Variants in MTSS1 observed in about 807,000 individuals in gnomAD.
MTSS1 encodes MTSS I-BAR domain containing 1, also known as protein MTSS 1.
MTSS1 carries 18 observed loss-of-function variants against 79.0 expected under a neutral mutation model. That is an observed-to-expected ratio of 0.23 (90% CI 0.16 to 0.34). The LOEUF (loss-of-function observed/expected upper bound fraction) is 0.34. Ranked by LOEUF, MTSS1 falls within the 10% of genes least tolerant of loss-of-function variation. MTSS1 has a pLI of 1.00. For synonymous variants in MTSS1, 341 were observed against 368.6 expected, an observed-to-expected ratio of 0.93 and a Z score of 0.86; for missense variants, 815 against 986.2, an observed-to-expected ratio of 0.83 and a Z score of 2.33.
intron 8 of MTSS1, among the ~76,000 whole-genome samples, 194 bp downstream of exon 8, chr8:124,566,877 G>C (rs1826607214): frequency 6.6e-6 from 1 of 152,210 alleles, no homozygotes; most frequent in Admixed American, 6.5e-5. Context: ...GCTATGTAAA[G>C]AGCTTGGGAC....
At chr8:124,565,349 T>C (rs17299341) in intron 9 of MTSS1, among the ~76,000 whole-genome samples, 11,888 of 152,268 alleles carry the variant, frequency 0.078, 628 homozygotes, top group Non-Finnish European at 0.11. Context: ...TTTTAGGCCT[T>C]AGAAGGTTTT....
intron 3 of MTSS1, among the ~76,000 whole-genome samples, chr8:124,599,093 GC>G (rs2132916473): frequency 6.6e-6 from 1 of 152,292 alleles, no homozygotes; most frequent in East Asian, 1.9e-4. Context: ...CATTGCCCTT[GC>G]CGCCTGCTGA....
chr8:124,672,317 A>C (rs1824374986), intron 3 of MTSS1, among the ~76,000 whole-genome samples: 2 of 152,148 alleles, frequency 1.3e-5, no homozygotes, highest in South Asian at 4.1e-4. Flanking sequence ...AACATTGTGA[A>C]ACCCCATCTC....
At chr8:124,567,010 A>G (rs1023971362) in intron 8 of MTSS1, 61 bp downstream of exon 8, 2 of 1,302,018 alleles carry the variant, frequency 1.5e-6, no homozygotes, top group Non-Finnish European at 1.1e-6. Context: ...AGGAACACTC[A>G]GGGCCTTGAG....
chr8:124,594,179 T>G (rs773458862), intron 3 of MTSS1, among the ~76,000 whole-genome samples: 1 of 152,214 alleles, frequency 6.6e-6, no homozygotes, highest in South Asian at 2.1e-4. Flanking sequence ...TCCCAGGTAT[T>G]TCCCATAGAT....
At chr8:124,688,340 ATG>A (rs1554719633) in intron 3 of MTSS1, among the ~76,000 whole-genome samples, 32 of 121,856 alleles carry the variant, frequency 2.6e-4, no homozygotes, top group Non-Finnish European at 3.1e-4. Flanking sequence ...GTCTGTGTGT[ATG>A]TGTGTTGTGT....
At chr8:124,601,733 C>T (rs1365027933) in intron 3 of MTSS1, among the ~76,000 whole-genome samples, 6 of 152,216 alleles carry the variant, frequency 3.9e-5, no homozygotes, top group African/African-American at 1.4e-4. Context: ...AGGCTGGGTA[C>T]ACCATCTGCT....
chr8:124,588,681 T>C (rs2132622468), intron 5 of MTSS1, among the ~76,000 whole-genome samples: 1 of 152,304 alleles, frequency 6.6e-6, no homozygotes, highest in South Asian at 2.1e-4. Flanking sequence ...AGTATAAATG[T>C]TTGGCATTTA....
At chr8:124,643,719 A>C (rs994599770) in intron 3 of MTSS1, among the ~76,000 whole-genome samples, 2 of 151,324 alleles carry the variant, frequency 1.3e-5, no homozygotes, top group Admixed American at 6.6e-5. Context: ...AAAAAAAAAA[A>C]AAACCACGAA....
chr8:124,612,574 A>ATGTGTGTGTGTGTGTGTGTGTG (rs58367314), intron 3 of MTSS1, among the ~76,000 whole-genome samples: 1 of 99,488 alleles, frequency 1.0e-5, no homozygotes, highest in Non-Finnish European at 2.0e-5. Context: ...CAAGTTTAAA[A>ATGTGTGTGTGTGTGTGTGTGTG]TGTGTGTGTG....
In MTSS1 at chr8:124,552,891, C is replaced by G. The variant is rs535385498; in HGVS notation, c.*101G>C. The G allele has an allele frequency of 7.4e-6, 9 of 1,217,764 alleles. No individual in the cohort carries two copies. In the African/African-American group the frequency reaches 1.2e-4, roughly 16 times the overall value. 75.4% of individuals were successfully genotyped at this position (1,217,764 alleles called of 1,614,324 possible). On this transcript the variant is annotated 3_prime_UTR_variant, in exon 14 of 14. Coordinates refer to ENST00000518547, the MANE Select transcript of MTSS1 (RefSeq NM_014751.6). Reference sequence around the variant, plus strand: ...TTCAAAAGAGCTATATTCCGAGTTGCCTACAAAATCTTTTGTTTTATTATA... The same window carrying G: ...TTCAAAAGAGCTATATTCCGAGTTGGCTACAAAATCTTTTGTTTTATTATA...
chr8:124,717,026 G>A (rs979509447), intron 1 of MTSS1, among the ~76,000 whole-genome samples: 4 of 149,832 alleles, frequency 2.7e-5, no homozygotes, highest in Non-Finnish European at 3.0e-5. Context: ...AAAACTGGAC[G>A]CAACCTAAAC....
At chr8:124,587,519 GA>G (rs1831071705) in intron 5 of MTSS1, among the ~76,000 whole-genome samples, 1 of 152,080 alleles carries the variant, frequency 6.6e-6, no homozygotes, top group African/African-American at 2.4e-5. Flanking sequence ...TTTTTCTTGA[GA>G]TGGAGTCTTG....
chr8:124,716,392 A>G (rs187095845), intron 1 of MTSS1, among the ~76,000 whole-genome samples: 1 of 152,348 alleles, frequency 6.6e-6, no homozygotes, highest in East Asian at 1.9e-4. Flanking sequence ...ATCGCATTCC[A>G]AGTATATCTG....
intron 1 of MTSS1, among the ~76,000 whole-genome samples, chr8:124,720,527 A>C (rs1173523002): frequency 6.6e-6 from 1 of 152,200 alleles, no homozygotes; most frequent in African/African-American, 2.4e-5. Flanking sequence ...TGTCCTAGCC[A>C]AGGACCCCAC....
intron 3 of MTSS1, among the ~76,000 whole-genome samples, chr8:124,615,544 T>C (rs1341531417): frequency 3.3e-5 from 5 of 151,882 alleles, no homozygotes; most frequent in Non-Finnish European, 7.4e-5. Context: ...GAAAGGAGAA[T>C]GGTGGTTATC....
At chr8:124,617,979 A>G (rs1430538159) in intron 3 of MTSS1, among the ~76,000 whole-genome samples, 6 of 152,108 alleles carry the variant, frequency 3.9e-5, no homozygotes, top group African/African-American at 1.4e-4. Context: ...GAGATGAATT[A>G]TTTACGTGGG....
chr8:124,638,904 A>G (rs577248095), intron 3 of MTSS1, among the ~76,000 whole-genome samples: 2 of 152,406 alleles, frequency 1.3e-5, no homozygotes, highest in African/African-American at 4.8e-5. Flanking sequence ...TCCATGAGGT[A>G]AAGAATTTTA....
intron 6 of MTSS1, 66 bp from the exon 7 acceptor site, chr8:124,568,602 T>A (rs1331976055): frequency 6.2e-7 from 1 of 1,600,890 alleles, no homozygotes; most frequent in East Asian, 2.2e-5. Flanking sequence ...GTGCCCCTCC[T>A]CCCTGGGGTC....
Sources: allele counts gnomAD v4.1 joint callset (sites outside exome capture counted in the v4.1 genomes callset), GRCh38; gene constraint gnomAD v4.1.1; transcripts MANE v1.5; gene names NCBI Gene and HGNC (gene_info 2026-07-23, HGNC 2026-07-21).